The following SLC7A2 variants were observed in gnomAD, a reference collection of about 807,000 sequenced individuals.
The protein encoded by SLC7A2 is solute carrier family 7 member 2.
Under a neutral mutation model 58.9 loss-of-function variants are expected in SLC7A2, and 48 were observed. The ratio of observed to expected loss-of-function variants is 0.82; its 90% CI spans 0.65 to 1.04. SLC7A2 has a LOEUF of 1.04. Ranked by LOEUF, SLC7A2 falls within the 50% of genes least tolerant of loss-of-function variation. The pLI, the probability that SLC7A2 is intolerant of heterozygous loss-of-function variation, is 0.00. For missense variants in SLC7A2, 1,029 were observed against 818.8 expected (o/e 1.26, Z -3.13); for synonymous variants, 363 against 314.5 (o/e 1.15, Z -1.63).
At chr8:17,556,152 G>T (rs1484566932) in intron 8 of SLC7A2, among the ~76,000 whole-genome samples, 1 of 151,988 alleles carries the variant, frequency 6.6e-6, no homozygotes, top group African/African-American at 2.4e-5. Context: ...TTAGATTTCT[G>T]CCCCCCTAAA....
intron 4 of SLC7A2, 131 bp from the exon 5 acceptor site, chr8:17,548,547 A>G: frequency 1.5e-6 from 1 of 652,448 alleles, no homozygotes; most frequent in African/African-American, 1.8e-5. Context: ...AAGAACTAGC[A>G]GTAGAGGTAG....
chr8:17,530,858 T>C (rs574206555), intron 2 of SLC7A2, among the ~76,000 whole-genome samples: 1 of 152,208 alleles, frequency 6.6e-6, no homozygotes, highest in African/African-American at 2.4e-5. Flanking sequence ...AGGTGTGAGC[T>C]ACTGCATCCA....
intron 2 of SLC7A2, among the ~76,000 whole-genome samples, chr8:17,503,540 C>G (rs1029336365): frequency 1.3e-5 from 2 of 151,740 alleles, no homozygotes; most frequent in South Asian, 2.1e-4. Context: ...TGCCAAGGTA[C>G]TTGTCCTGAC....
intron 2 of SLC7A2, among the ~76,000 whole-genome samples, chr8:17,522,938 A>G (rs1055787807): frequency 5.3e-5 from 8 of 152,100 alleles, no homozygotes; most frequent in Admixed American, 5.2e-4. Flanking sequence ...GGGAGGCTGA[A>G]GTGGGAGGAT....
Position 17,543,638 on chromosome 8 carries a change from A to G in SLC7A2, c.299A>G (p.Tyr100Cys), listed in dbSNP as rs1802023384. The G allele has an allele frequency of 1.9e-6, 3 of 1,576,160 alleles. No homozygotes were observed. Among genetic ancestry groups the G allele is most frequent in the Non-Finnish European group, 2.6e-6 (3 of 1,162,650 alleles). The change falls in exon 3 of 13, where the codon TAT becomes TGT. Residue 100 changes from tyrosine (Y) to cysteine (C), a missense_variant. Coordinates refer to ENST00000494857, the MANE Select transcript of SLC7A2 (RefSeq NM_001370338.1). The stretch of plus-strand genomic sequence containing the variant: ...CGTGTTCCCAAGACGGGGTCTGCAT[A>G]TTTGTACACCTACGTGACTGTCGGA... ...GARVPKTGSA[Y>C]LYTYVTVGEL...
At chr8:17,497,074 C>G (rs1156914194), upstream of SLC7A2, 1 of 151,128 alleles carries the variant, frequency 6.6e-6, no homozygotes, top group African/African-American at 2.4e-5. Context: ...AGAGGGGCGC[C>G]CACGTGCCCA....
chr8:17,505,666 G>A (rs1447346467), intron 2 of SLC7A2, among the ~76,000 whole-genome samples: 2 of 152,072 alleles, frequency 1.3e-5, no homozygotes, highest in South Asian at 2.1e-4. Context: ...GTAAATGTCT[G>A]ACATAAACAG....
chr8:17,557,856 T>TGATAC (rs10658351), intron 8 of SLC7A2, among the ~76,000 whole-genome samples: 1 of 151,898 alleles, frequency 6.6e-6, no homozygotes, highest in Non-Finnish European at 1.5e-5. Context: ...GAGTTGTCTA[T>TGATAC]AACTCAGTGC....
chr8:17,557,561 T>C (rs1418169098), intron 8 of SLC7A2, among the ~76,000 whole-genome samples: 1 of 152,176 alleles, frequency 6.6e-6, no homozygotes, highest in Non-Finnish European at 1.5e-5. Flanking sequence ...CCGGGCACTG[T>C]GACTCACACC....
At chr8:17,546,350 T>A (rs934259380) in intron 4 of SLC7A2, among the ~76,000 whole-genome samples, 5 of 152,270 alleles carry the variant, frequency 3.3e-5, no homozygotes, top group African/African-American at 9.6e-5. Context: ...TTTAACTTTG[T>A]TCTTAGAATC....
At chr8:17,507,586 A>C (rs1316420354) in intron 2 of SLC7A2, among the ~76,000 whole-genome samples, 1 of 152,222 alleles carries the variant, frequency 6.6e-6, no homozygotes, top group Admixed American at 6.5e-5. Flanking sequence ...GAAGTGATGG[A>C]TATGCAAATT....
Position 17,565,635 on chromosome 8 carries a change from A to G in SLC7A2, c.*489A>G, listed in dbSNP as rs1205157859. On this transcript the variant is annotated 3_prime_UTR_variant, in exon 13 of 13. Transcript: ENST00000494857. ...ATTAATGTCAGTTTAGGGGATGCCA[A>G]AAATGCAGTTACTCATCATGGTGTC... is the stretch of plus-strand genomic sequence containing the variant. 1.3e-5 allele frequency: 2 copies of G among 152,924 alleles called. No individual in the cohort carries two copies. The highest frequency in any genetic ancestry group is 2.9e-5 in the Non-Finnish European group (2 of 68,512). The allele number at this position is 152,924 out of a possible 1,614,324, so 9.5% of individuals were successfully genotyped here.
At chr8:17,564,890 C>A in intron 12 of SLC7A2, 60 bp from the exon 13 acceptor site, 1 of 1,377,364 alleles carries the variant, frequency 7.3e-7, no homozygotes, top group Non-Finnish European at 9.8e-7. Flanking sequence ...ACCTCAATAA[C>A]TTAAAAGTCA....
In SLC7A2 at chr8:17,560,353, C is replaced by A. The variant is rs1320426659; in HGVS notation, c.1324C>A (p.Gln442Lys). ...LRYQPGLSYD[Q>K]PKCSPEKDGL... ...GTACCAGCCTGGCTTATCTTACGAC[C>A]AGCCCAAATGTTCTCCTGAGAAAGA... The change falls in exon 10 of 13, where the codon CAG becomes AAG. Residue 442 changes from glutamine to lysine, a missense_variant. Gln to Lys is a moderately conservative substitution (Grantham distance 53). Coordinates refer to ENST00000494857, the MANE Select transcript of SLC7A2 (RefSeq NM_001370338.1). The A allele has an allele frequency of 1.2e-6, 2 of 1,613,948 alleles. No homozygotes were observed. Among genetic ancestry groups the A allele is most frequent in the Non-Finnish European group, 1.7e-6 (2 of 1,179,868 alleles).
chr8:17,526,294 G>C (rs192971181), intron 2 of SLC7A2, among the ~76,000 whole-genome samples: 230 of 152,244 alleles, frequency 1.5e-3, no homozygotes, highest in African/African-American at 5.3e-3. Context: ...GCAAAGAAAT[G>C]GTTGATTGGA....
chr8:17,515,316 A>T (rs886316482), intron 2 of SLC7A2, among the ~76,000 whole-genome samples: 2 of 142,776 alleles, frequency 1.4e-5, no homozygotes, highest in Admixed American at 6.8e-5. Flanking sequence ...TTTTTTTTTA[A>T]GATGGAGTCT....
Position 17,565,149 on chromosome 8 carries a change from C to T in SLC7A2, c.*3C>T, listed in dbSNP as rs1803208145. On this transcript the variant is annotated 3_prime_UTR_variant, in exon 13 of 13. Coordinates refer to ENST00000494857, the MANE Select transcript of SLC7A2 (RefSeq NM_001370338.1). ...ATGAAAAGACAAGTGAATTCTAACA[C>T]TTGCAGGAGCAGAGCTGGTCATCGT... is the stretch of plus-strand genomic sequence containing the variant. The T allele has an allele frequency of 2.5e-6, 4 of 1,607,612 alleles. No individual in the cohort carries two copies. The African/African-American group carries it at 4.0e-5, about 16-fold the overall frequency.
At chr8:17,541,999 TAGA>T (rs35978538) in intron 2 of SLC7A2, among the ~76,000 whole-genome samples, 20,403 of 152,094 alleles carry the variant, frequency 0.13, 1,844 homozygotes, top group Non-Finnish European at 0.2. Context: ...TAAAAGAACA[TAGA>T]ATAATATTTG....
intron 2 of SLC7A2, among the ~76,000 whole-genome samples, chr8:17,527,952 A>G (rs1203305837): frequency 6.6e-6 from 1 of 152,208 alleles, no homozygotes; most frequent in Non-Finnish European, 1.5e-5. Context: ...TGACATAAAA[A>G]TAGAGTTCTG....
Sources: gnomAD v4.1 joint callset for allele counts (sites outside exome capture counted in the v4.1 genomes callset) on GRCh38, gnomAD v4.1.1 for gene constraint, MANE v1.5 for transcripts, NCBI Gene and HGNC (gene_info 2026-07-23, HGNC 2026-07-21) for gene names.